The following PUDP variants were observed in gnomAD, a reference collection of about 807,000 sequenced individuals.
The protein encoded by PUDP is pseudouridine-5'-phosphatase.
Under a neutral mutation model 9.4 loss-of-function variants are expected in PUDP, and 8 were observed. The ratio of observed to expected loss-of-function variants is 0.85; its 90% confidence interval spans 0.50 to 1.53. PUDP has a LOEUF of 1.53. PUDP is among the 40% of genes most tolerant of loss of function. PUDP has a pLI of 0.00. For missense variants in PUDP, 188 were observed against 189.7 expected, an observed-to-expected ratio of 0.99 and a Z score of 0.05; for synonymous variants, 99 against 80.7, an observed-to-expected ratio of 1.23 and a Z score of -1.22.
intron 2 of PUDP, among the ~76,000 whole-genome samples, chrX:7,086,448 G>C (rs752491469): frequency 7.2e-5 from 8 of 111,743 alleles, no homozygotes; most frequent in Non-Finnish European, 1.3e-4. Flanking sequence ...TATTAAAATG[G>C]AACCATCACT....
At chrX:7,091,979 T>C (rs1323379264) in intron 2 of PUDP, among the ~76,000 whole-genome samples, 3 of 112,588 alleles carry the variant, frequency 2.7e-5, no homozygotes, top group Non-Finnish European at 5.6e-5. Flanking sequence ...CAATGTAAAT[T>C]CTCTTACCTA....
At chrX:6,892,408 G>C (rs1021350536) in intron 3 of PUDP, among the ~76,000 whole-genome samples, 1 of 111,115 alleles carries the variant, frequency 9.0e-6, no homozygotes, top group African/African-American at 3.3e-5. Flanking sequence ...CGTGGCTGGG[G>C]AGGCCTCACA....
At chrX:6,860,475 G>GTTT (rs1292414516) in intron 3 of PUDP, among the ~76,000 whole-genome samples, 2 of 97,233 alleles carry the variant, frequency 2.1e-5, no homozygotes, top group African/African-American at 3.7e-5. Context: ...TTTGTTTTTT[G>GTTT]TTTTTTGTTT....
chrX:7,108,021 G>T (rs1035750174), intron 1 of PUDP, among the ~76,000 whole-genome samples: 23 of 112,433 alleles, frequency 2.0e-4, no homozygotes, highest in Non-Finnish European at 3.8e-4. Context: ...CTCACAGAAG[G>T]TGAATGGTCA....
chrX:6,947,682 C>A lies in PUDP; in HGVS notation c.*247+29451G>T, dbSNP rs189656857. On this transcript the variant is annotated intron_variant and NMD_transcript_variant, in intron 3 of 3. Transcript: ENST00000655425. Reference sequence around the variant, plus strand: ...TGGCACATTCCTGTGGTCCCAGCTACATGCAAGGCTGAAGTGGGAGGATCA... The same window carrying A: ...TGGCACATTCCTGTGGTCCCAGCTAAATGCAAGGCTGAAGTGGGAGGATCA... Among the ~76,000 whole-genome samples, 10 of 111,023 alleles carry A rather than the reference C, an allele frequency of 9.0e-5. No individual in the cohort carries two copies. In the East Asian group the frequency reaches 2.3e-3, roughly 25 times the overall value.
At chrX:6,798,791 G>A (rs1032754340) in intron 3 of PUDP, among the ~76,000 whole-genome samples, 3 of 75,148 alleles carry the variant, frequency 4.0e-5, no homozygotes, top group Non-Finnish European at 1.0e-4. Context: ...GTCTCCAAAT[G>A]ATATTTTTTT....
chrX:6,735,116 T>G (rs1242430798), intron 3 of PUDP, among the ~76,000 whole-genome samples: 2 of 112,439 alleles, frequency 1.8e-5, no homozygotes, highest in Non-Finnish European at 3.7e-5. Context: ...CCAGTGATAT[T>G]CAGGAAGCTG....
At chrX:7,038,925 T>G (rs755442010) in intron 1 of PUDP, among the ~76,000 whole-genome samples, 4 of 111,281 alleles carry the variant, frequency 3.6e-5, no homozygotes. Context: ...TGGGGTCTAT[T>G]TCTGTATTTA....
At chrX:7,046,747 C>T (rs1929987676), downstream of PUDP, among the ~76,000 whole-genome samples, 1 of 112,120 alleles carries the variant, frequency 8.9e-6, no homozygotes, top group Non-Finnish European at 1.9e-5. Context: ...TTGAAATAAG[C>T]AGTGAATGAA....
chrX:6,924,763 C>T (rs1356402928), intron 3 of PUDP, among the ~76,000 whole-genome samples: 1 of 112,193 alleles, frequency 8.9e-6, no homozygotes, highest in African/African-American at 3.2e-5. Flanking sequence ...GATATTCAAC[C>T]TATATTTGCA....
intron 3 of PUDP, 44 bp downstream of exon 3, chrX:7,077,176 A>G: frequency 8.6e-7 from 1 of 1,164,629 alleles, no homozygotes; most frequent in Non-Finnish European, 1.1e-6. Flanking sequence ...TATTTGGTGG[A>G]ACATGGTTGT....
At chrX:6,956,777 G>T in intron 3 of PUDP, among the ~76,000 whole-genome samples, 1 of 112,044 alleles carries the variant, frequency 8.9e-6, no homozygotes, top group South Asian at 3.7e-4. Flanking sequence ...AACTCTGTTT[G>T]TCATGGACTT....
intron 3 of PUDP, among the ~76,000 whole-genome samples, chrX:6,822,756 C>G (rs1926366682): frequency 9.4e-6 from 1 of 106,542 alleles, no homozygotes; most frequent in Non-Finnish European, 1.9e-5. Context: ...GTTACATAGG[C>G]AAATCTGTGT....
At chrX:6,720,287 TACACACACAC>T (rs1555907538) in intron 1 of PUDP, among the ~76,000 whole-genome samples, 3 of 83,134 alleles carry the variant, frequency 3.6e-5, no homozygotes, top group African/African-American at 1.0e-4. Flanking sequence ...TATATATATA[TACACACACAC>T]ACATAAATAT....
chrX:6,869,001 A>G (rs1055084692), intron 3 of PUDP, among the ~76,000 whole-genome samples: 1 of 112,171 alleles, frequency 8.9e-6, no homozygotes, highest in Non-Finnish European at 1.9e-5. Context: ...TCTCTGTAGC[A>G]ATGACTGTTG....
At chrX:6,922,169 T>A (rs1928034508) in intron 3 of PUDP, among the ~76,000 whole-genome samples, 1 of 110,434 alleles carries the variant, frequency 9.1e-6, no homozygotes, top group South Asian at 3.8e-4. Context: ...ATAGAAAAAA[T>A]GAATAAGACC....
intron 3 of PUDP, among the ~76,000 whole-genome samples, chrX:6,780,413 A>G (rs1344515747): frequency 1.8e-5 from 2 of 111,148 alleles, no homozygotes; most frequent in Non-Finnish European, 3.8e-5. Context: ...GTGTATACAC[A>G]TATATTTAGA....
intron 1 of PUDP, among the ~76,000 whole-genome samples, chrX:6,992,349 T>C (rs1403191446): frequency 1.3e-5 from 1 of 78,878 alleles, no homozygotes. Context: ...CTCGGCTCAC[T>C]GCAAGCTCCG....
chrX:6,937,348 C>G (rs1482806923), intron 3 of PUDP, among the ~76,000 whole-genome samples: 1 of 107,830 alleles, frequency 9.3e-6, no homozygotes, highest in Non-Finnish European at 1.9e-5. Context: ...ACTATCTGAT[C>G]TTTGACAAAA....
Sources: allele counts gnomAD v4.1 joint callset (sites outside exome capture counted in the v4.1 genomes callset), GRCh38; gene constraint gnomAD v4.1.1; transcripts MANE v1.5; gene names NCBI Gene and HGNC (gene_info 2026-07-23, HGNC 2026-07-21).